ATP10A: variants seen among roughly 807,000 people sequenced by gnomAD.
ATP10A encodes the protein ATPase phospholipid transporting 10A (putative), also known as phospholipid-transporting ATPase VA.
Under a neutral mutation model 147.8 loss-of-function variants are expected in ATP10A, and 111 were observed. The ratio of observed to expected loss-of-function variants is 0.75; its 90% confidence interval spans 0.64 to 0.88. The LOEUF is 0.88. ATP10A is among the 40% of genes least tolerant of loss of function. ATP10A has a pLI of 0.00. For synonymous variants in ATP10A, 875 were observed against 841.6 expected (o/e 1.04, Z -0.69); for missense variants, 1,927 against 1,959.0 (o/e 0.98, Z 0.31).
At chr15:25,742,157 A>ACTCTGT (rs58202490) in intron 2 of ATP10A, among the ~76,000 whole-genome samples, 67,712 of 151,652 alleles carry the variant, frequency 0.45, 15,343 homozygotes, top group East Asian at 0.61. Flanking sequence ...CATGTGACGG[A>ACTCTGT]GAGTGCTGCG....
intron 1 of ATP10A, among the ~76,000 whole-genome samples, chr15:25,850,714 T>G (rs965220309): frequency 8.8e-6 from 1 of 114,148 alleles, no homozygotes; most frequent in Non-Finnish European, 1.7e-5. Flanking sequence ...CCCCAAGACC[T>G]GGCCGCGCTC....
At chr15:25,752,307 A>G (rs1357719247) in intron 2 of ATP10A, among the ~76,000 whole-genome samples, 1 of 152,208 alleles carries the variant, frequency 6.6e-6, no homozygotes, top group Non-Finnish European at 1.5e-5. Flanking sequence ...ACAATGAAAT[A>G]CTATTCAGCT....
intron 1 of ATP10A, among the ~76,000 whole-genome samples, chr15:25,817,813 C>A (rs187328724): frequency 6.6e-6 from 1 of 152,234 alleles, no homozygotes; most frequent in South Asian, 2.1e-4. Context: ...CAATACAACA[C>A]GGGGCTCTTG....
chr15:25,736,441 T>C (rs1887286579), intron 2 of ATP10A, among the ~76,000 whole-genome samples: 1 of 152,198 alleles, frequency 6.6e-6, no homozygotes, highest in Non-Finnish European at 1.5e-5. Context: ...AAGGAGGCCA[T>C]CAATGAAGCA....
intron 2 of ATP10A, among the ~76,000 whole-genome samples, chr15:25,755,203 G>A (rs746411422): frequency 6.6e-6 from 1 of 152,094 alleles, no homozygotes; most frequent in Non-Finnish European, 1.5e-5. Flanking sequence ...GCCATAGTTC[G>A]AAAATTTCCT....
chr15:25,708,351 T>C, intron 10 of ATP10A, 51 bp from the exon 11 acceptor site: 10 of 1,519,722 alleles, frequency 6.6e-6, no homozygotes, highest in Non-Finnish European at 9.1e-6. Flanking sequence ...GCCTGTGGAA[T>C]GGTCTTCAGA....
intron 14 of ATP10A, 27 bp downstream of exon 14, chr15:25,694,792 G>A (rs1209926902): frequency 1.3e-6 from 2 of 1,575,064 alleles, no homozygotes; most frequent in Non-Finnish European, 1.7e-6. Context: ...GCTGGGAGGA[G>A]GCCGTCTGGC....
rs1183056326 is a variant in ATP10A, at chr15:25,678,784, TACAAGGC to T, written c.*550_*556del. ...AATACGACACCAGGGATGTAATACC[TACAAGGC>T]GGTCTTCCTGAAATGCCTGCCCGGA... On this transcript the variant is annotated 3_prime_UTR_variant, in exon 21 of 21. Transcript: ENST00000555815. 6.6e-6 allele frequency: 1 copy of T among 152,246 alleles called. No individual in the cohort carries two copies. Among genetic ancestry groups the T allele is most frequent in the East Asian group, 1.9e-4 (1 of 5,200 alleles). The allele number at this position is 152,246 out of a possible 1,614,324, so 9.4% of individuals were successfully genotyped here.
chr15:25,786,695 G>A (rs544595152), intron 1 of ATP10A, among the ~76,000 whole-genome samples: 53 of 126,478 alleles, frequency 4.2e-4, no homozygotes, highest in African/African-American at 1.3e-3. Flanking sequence ...GCGTGATCTC[G>A]GCTCACTGCA....
At chr15:25,688,312 GC>G (rs1466559452) in intron 15 of ATP10A, among the ~76,000 whole-genome samples, 1 of 152,154 alleles carries the variant, frequency 6.6e-6, no homozygotes, top group African/African-American at 2.4e-5. Flanking sequence ...CCCCCCAGAA[GC>G]CTTGGTGATG....
chr15:25,848,350 A>G (rs551428879), intron 1 of ATP10A, among the ~76,000 whole-genome samples: 3 of 152,112 alleles, frequency 2.0e-5, no homozygotes, highest in Non-Finnish European at 2.9e-5. Flanking sequence ...GTGCAGTAGC[A>G]TAATCACAGC....
intron 1 of ATP10A, among the ~76,000 whole-genome samples, chr15:25,829,997 G>A (rs995978815): frequency 1.3e-5 from 2 of 152,128 alleles, no homozygotes; most frequent in Non-Finnish European, 2.9e-5. Context: ...GGGCCGGGGT[G>A]GAGGCAGGAG....
intron 12 of ATP10A, among the ~76,000 whole-genome samples, chr15:25,705,147 GA>G (rs1900899902): frequency 6.6e-6 from 1 of 152,172 alleles, no homozygotes; most frequent in Admixed American, 6.5e-5. Flanking sequence ...TGCTATTTAA[GA>G]TAAGCACCTG....
At chr15:25,793,322 C>T (rs1890521704) in intron 1 of ATP10A, among the ~76,000 whole-genome samples, 1 of 152,204 alleles carries the variant, frequency 6.6e-6, no homozygotes, top group Non-Finnish European at 1.5e-5. Flanking sequence ...TCCCATCCCA[C>T]CCAGGGCCCT....
At chr15:25,811,627 G>A (rs1430832044) in intron 1 of ATP10A, among the ~76,000 whole-genome samples, 3 of 152,146 alleles carry the variant, frequency 2.0e-5, no homozygotes, top group Non-Finnish European at 4.4e-5. Context: ...TAGGTGGGAC[G>A]TGATCTGAAA....
intron 1 of ATP10A, among the ~76,000 whole-genome samples, chr15:25,798,894 G>A (rs1435293739): frequency 8.5e-6 from 1 of 118,206 alleles, no homozygotes; most frequent in Non-Finnish European, 1.8e-5. Context: ...GATCCCACTC[G>A]GAGGCCCCCG....
At chr15:25,703,888 AG>A (rs1900817565) in intron 12 of ATP10A, among the ~76,000 whole-genome samples, 1 of 152,202 alleles carries the variant, frequency 6.6e-6, no homozygotes, top group Admixed American at 6.5e-5. Context: ...GGGCCCAGAA[AG>A]GAGGAGGGAA....
intron 1 of ATP10A, among the ~76,000 whole-genome samples, chr15:25,787,378 C>G (rs1338918895): frequency 6.6e-6 from 1 of 151,992 alleles, no homozygotes; most frequent in African/African-American, 2.4e-5. Context: ...CTTTGGGAGG[C>G]TGAAGTAGGA....
At chr15:25,737,781 G>A (rs1169491945) in intron 2 of ATP10A, among the ~76,000 whole-genome samples, 2 of 152,110 alleles carry the variant, frequency 1.3e-5, no homozygotes, top group East Asian at 3.9e-4. Context: ...ATTAAACTGA[G>A]GTCATCAGGG....
Sources: allele counts gnomAD v4.1 joint callset (sites outside exome capture counted in the v4.1 genomes callset), GRCh38; gene constraint gnomAD v4.1.1; transcripts MANE v1.5; gene names NCBI Gene and HGNC (gene_info 2026-07-23, HGNC 2026-07-21).